The following GPR15 variants were observed in gnomAD, a reference collection of about 807,000 sequenced individuals.
The protein encoded by GPR15 is G protein-coupled receptor 15.
A neutral mutation model predicts 19.3 loss-of-function variants in GPR15; 16 were observed. That is an observed-to-expected ratio of 0.83 (90% CI 0.56 to 1.26). The LOEUF (loss-of-function observed/expected upper bound fraction) is 1.26, where lower values mean the gene tolerates loss of function less well. Ranked by LOEUF, GPR15 falls within the 50% of genes most tolerant of loss-of-function variation. The probability of loss-of-function intolerance (pLI) is 0.00; values close to 1 mark genes in which losing one functional copy is unlikely to be tolerated. For missense variants in GPR15, 458 were observed against 429.4 expected (o/e 1.07, Z -0.59); for synonymous variants, 170 against 171.2 (o/e 0.99, Z 0.05).
At position 98,532,826 on chromosome 3, in the gene GPR15, A is replaced by G. The variant is rs1706659094; in HGVS notation, c.793A>G (p.Ile265Val). The G allele has an allele frequency of 6.2e-7, 1 of 1,613,776 alleles. No homozygotes were observed. The highest frequency in any genetic ancestry group is 8.5e-7 in the Non-Finnish European group (1 of 1,179,878). Reference sequence around the variant, plus strand: ...CTTCAATACTTTCAAGTTCCTGGCCATTGTCTCTGGGTTGCGGCAAGAACA... The same window carrying G: ...CTTCAATACTTTCAAGTTCCTGGCCGTTGTCTCTGGGTTGCGGCAAGAACA... ...LPFNTFKFLA[I>V]VSGLRQEHYL... is the part of the protein sequence containing the mutation. Residue 265 changes from isoleucine to valine, a missense_variant, in exon 1 of 1, where the codon ATT becomes GTT. Physicochemically the swap from Ile to Val is conservative, Grantham distance 29 (BLOSUM62 3). Coordinates refer to ENST00000284311, the MANE Select transcript of GPR15 (RefSeq NM_005290.4).
Position 98,534,678 on chromosome 3 carries a change from A to G in GPR15, c.*1562A>G, listed in dbSNP as rs1706684474. Among the ~76,000 whole-genome samples the G allele has an allele frequency of 6.6e-6, 1 of 152,144 alleles. No individual in the cohort carries two copies. Among genetic ancestry groups the G allele is most frequent in the Non-Finnish European group, 1.5e-5 (1 of 67,990 alleles). On this transcript the variant is annotated 3_prime_UTR_variant, in exon 1 of 1. Transcript: ENST00000284311. ...TTAAATAAAAATATAATTTCCTTAC[A>G]TAAGTATTCTTCTGGACTGTATTAA...
At position 98,533,194 on chromosome 3, in the gene GPR15, T is replaced by A. The variant is rs1359723467; in HGVS notation, c.*78T>A. The A allele has an allele frequency of 1.4e-6, 2 of 1,415,480 alleles. No individual in the cohort carries two copies. Among genetic ancestry groups the A allele is most frequent in the African/African-American group, 2.9e-5 (2 of 70,086 alleles). The allele number at this position is 1,415,480 out of a possible 1,614,324, so 87.7% of individuals were successfully genotyped here. ...TCAGCAACAAAGAAGGAAGTGTTAA[T>A]GATAGGATTCACATTGCTTCATAGA... On this transcript the variant is annotated 3_prime_UTR_variant, in exon 1 of 1. Coordinates refer to ENST00000284311, the MANE Select transcript of GPR15 (RefSeq NM_005290.4).
chr3:98,532,501 C>T lies in GPR15; in HGVS notation c.468C>T (p.Ser156=), dbSNP rs1461137449. The T allele has an allele frequency of 6.2e-7, 1 of 1,614,176 alleles. No individual in the cohort carries two copies. The highest frequency in any genetic ancestry group is 2.2e-5 in the East Asian group (1 of 44,890). The change falls in exon 1 of 1, where the codon AGC becomes AGT. Residue 156 remains serine (S), a synonymous_variant. Coordinates refer to ENST00000284311, the MANE Select transcript of GPR15 (RefSeq NM_005290.4). ...ACTGTGCATATGTAGTCTGTGCCAG[C>T]ATCTGGTTTATCTCCTGCCTGCTGG... ...RTDCAYVVCA[S]IWFISCLLGL...
chr3:98,532,221 G>A lies in GPR15; in HGVS notation c.188G>A (p.Gly63Asp), dbSNP rs1706646698. Reference sequence around the variant, plus strand: ...ATGGGAGCGTTGCATTTCAAACCCGGCAGCCGAAGACTGATCGACATCTTT... The same window carrying A: ...ATGGGAGCGTTGCATTTCAAACCCGACAGCCGAAGACTGATCGACATCTTT... ...VLMGALHFKP[G>D]SRRLIDIFII... Residue 63 changes from glycine to aspartate, a missense_variant, in exon 1 of 1, where the codon GGC becomes GAC. Coordinates refer to ENST00000284311, the MANE Select transcript of GPR15 (RefSeq NM_005290.4). 1 of 1,614,128 alleles carries A rather than the reference G, an allele frequency of 6.2e-7. No individual in the cohort carries two copies. The highest frequency in any genetic ancestry group is 8.5e-7 in the Non-Finnish European group (1 of 1,180,026).
chr3:98,532,749 C>CTATA lies in GPR15; in HGVS notation c.717_720dup (p.Lys241TyrfsTer86). ...AAGCACAACAAAAAGCTGAAGAAATCTATAAAGATCATCTTTATTGTCGTG... is the reference window on the plus strand; with the variant it reads ...AAGCACAACAAAAAGCTGAAGAAATCTATATATAAAGATCATCTTTATTGTCGTG... On this transcript the variant is annotated frameshift_variant, in exon 1 of 1. Transcript: ENST00000284311. LOFTEE classifies it high-confidence loss of function. The CTATA allele has an allele frequency of 6.2e-7, 1 of 1,614,018 alleles. No individual in the cohort carries two copies.
rs767901333 is a variant in GPR15, at chr3:98,532,389, G to A, written c.356G>A (p.Cys119Tyr). 50 of 1,614,066 alleles carry A rather than the reference G, an allele frequency of 3.1e-5. No individual in the cohort carries two copies. Among genetic ancestry groups the A allele is most frequent in the Non-Finnish European group, 2.7e-5 (32 of 1,180,042 alleles). ...TACATGATCTCCGTCAATATGCACT[G>A]CAGTGTCCTCCTGCTCACTTGCATG... Reference protein sequence around the residue: ...SSYMISVNMHCSVLLLTCMSV... With the variant: ...SSYMISVNMHYSVLLLTCMSV... The change falls in exon 1 of 1, where the codon TGC becomes TAC. Residue 119 changes from cysteine (C) to tyrosine (Y), a missense_variant. Transcript: ENST00000284311.
rs1165359038 is a variant in GPR15 at position 98,534,354 on chromosome 3, ACT to A, written c.*1241_*1242del. Among the ~76,000 whole-genome samples, 1 of 152,140 alleles carries A rather than the reference ACT, an allele frequency of 6.6e-6. No individual in the cohort carries two copies. Among genetic ancestry groups the A allele is most frequent in the Non-Finnish European group, 1.5e-5 (1 of 68,012 alleles). On this transcript the variant is annotated 3_prime_UTR_variant, in exon 1 of 1. Coordinates refer to ENST00000284311, the MANE Select transcript of GPR15 (RefSeq NM_005290.4). ...ATGTAATTAGTGGCAACCACAAAAG[ACT>A]CTGCAGCAGCAAGCATGCTATTGTA...
At position 98,532,632 on chromosome 3, in the gene GPR15, T is replaced by G; in HGVS notation, c.599T>G (p.Leu200Ter). 6.2e-7 allele frequency: 1 copy of G among 1,614,212 alleles called. No individual in the cohort carries two copies. Among genetic ancestry groups the G allele is most frequent in the Non-Finnish European group, 8.5e-7 (1 of 1,180,034 alleles). ...AAACTCATATGGTCCCTGGTGGCCT[T>G]AATTTTCACCTTTTTTGTCCCTTTG... ...PIKLIWSLVA[L>*]IFTFFVPLLS... Residue 200 changes from leucine to a stop codon, truncating the protein, a stop_gained, in exon 1 of 1, where the codon TTA (leucine) becomes TGA (stop). Coordinates refer to ENST00000284311, the MANE Select transcript of GPR15 (RefSeq NM_005290.4). LOFTEE classifies it high-confidence loss of function.
chr3:98,533,696 A>G lies in GPR15; in HGVS notation c.*580A>G, dbSNP rs1452397192. Among the ~76,000 whole-genome samples the G allele has an allele frequency of 6.6e-5, 10 of 152,174 alleles. No individual in the cohort carries two copies. The highest frequency in any genetic ancestry group is 2.6e-4 in the Admixed American group (4 of 15,282). ...CAACATTGTGCTTCATCCTATGCCT[A>G]TTCACAATGGCTTTGGACTGGCAAA... is the stretch of plus-strand genomic sequence containing the variant. On this transcript the variant is annotated 3_prime_UTR_variant, in exon 1 of 1. Coordinates refer to ENST00000284311, the MANE Select transcript of GPR15 (RefSeq NM_005290.4).
chr3:98,532,390 C>T lies in GPR15; in HGVS notation c.357C>T (p.Cys119=), dbSNP rs1173479335. 1 of 1,614,172 alleles carries T rather than the reference C, an allele frequency of 6.2e-7. No homozygotes were observed. The highest frequency in any genetic ancestry group is 2.2e-5 in the East Asian group (1 of 44,884). The change falls in exon 1 of 1, where the codon TGC becomes TGT. Residue 119 remains cysteine, a synonymous_variant. Coordinates refer to ENST00000284311, the MANE Select transcript of GPR15 (RefSeq NM_005290.4). ...ACATGATCTCCGTCAATATGCACTG[C>T]AGTGTCCTCCTGCTCACTTGCATGA... ...SSYMISVNMH[C]SVLLLTCMSV...
rs574230064 is a variant in GPR15, at chr3:98,533,589, T to C, written c.*473T>C. 5.6e-4 allele frequency among the ~76,000 whole-genome samples: 86 copies of C among 152,318 alleles called. 1 individual carries two copies. The highest frequency in any genetic ancestry group is 3.4e-3 in the Middle Eastern group (1 of 294). ...ACAAAAATATAATATACCTGCACTGTGCAATTAATTGTTTCTGAGTTACTA... is the reference window on the plus strand; with the variant it reads ...ACAAAAATATAATATACCTGCACTGCGCAATTAATTGTTTCTGAGTTACTA... On this transcript the variant is annotated 3_prime_UTR_variant, in exon 1 of 1. Transcript: ENST00000284311.
At position 98,534,242 on chromosome 3, in the gene GPR15, G is replaced by A. The variant is rs921260344; in HGVS notation, c.*1126G>A. 1.3e-5 allele frequency among the ~76,000 whole-genome samples: 2 copies of A among 152,054 alleles called. No homozygotes were observed. The highest frequency in any genetic ancestry group is 4.8e-5 in the African/African-American group (2 of 41,390). On this transcript the variant is annotated 3_prime_UTR_variant, in exon 1 of 1. Transcript: ENST00000284311. ...TTTATATATATTTTTTCCATACCCA[G>A]AAACCTTCTTGAATTCCTTTACCCA...
In GPR15 at chr3:98,532,113, C is replaced by G; in HGVS notation, c.80C>G (p.Ser27Cys). ...SPNSDIRETHSHVPYTSVFLP... is the reference protein window; with the variant it reads ...SPNSDIRETHCHVPYTSVFLP... ...AACTCTGACATCAGGGAGACCCACTCCCATGTTCCTTACACCTCTGTCTTC... is the reference window on the plus strand; with the variant it reads ...AACTCTGACATCAGGGAGACCCACTGCCATGTTCCTTACACCTCTGTCTTC... Residue 27 changes from serine to cysteine, a missense_variant, in exon 1 of 1, where the codon TCC becomes TGC. Coordinates refer to ENST00000284311, the MANE Select transcript of GPR15 (RefSeq NM_005290.4). The G allele has an allele frequency of 6.2e-7, 1 of 1,614,168 alleles. No individual in the cohort carries two copies. The highest frequency in any genetic ancestry group is 8.5e-7 in the Non-Finnish European group (1 of 1,179,998).
Position 98,533,078 on chromosome 3 carries a change from G to T in GPR15, c.1045G>T (p.Asp349Tyr). The change falls in exon 1 of 1, where the codon GAT becomes TAT. Residue 349 changes from aspartate (D) to tyrosine (Y), a missense_variant. Transcript: ENST00000284311. ...TCTCTCCACCTTCATTCATGCAGAA[G>T]ATTTTGCCAGGAGGAGGAAGAGGTC... ...KALSTFIHAE[D>Y]FARRRKRSVS... The T allele has an allele frequency of 1.9e-6, 3 of 1,612,264 alleles. No homozygotes were observed. Among genetic ancestry groups the T allele is most frequent in the Non-Finnish European group, 8.5e-7 (1 of 1,179,758 alleles).
chr3:98,532,788 T>A lies in GPR15; in HGVS notation c.755T>A (p.Val252Asp), dbSNP rs376694383. 4.8e-5 allele frequency: 77 copies of A among 1,613,872 alleles called. No homozygotes were observed. Among genetic ancestry groups the A allele is most frequent in the Non-Finnish European group, 6.4e-5 (75 of 1,179,920 alleles). Reference protein sequence around the residue: ...IIFIVVAAFLVSWLPFNTFKF... With the variant: ...IIFIVVAAFLDSWLPFNTFKF... ...TTTATTGTCGTGGCAGCCTTTCTTG[T>A]CTCCTGGCTGCCCTTCAATACTTTC... The change falls in exon 1 of 1, where the codon GTC becomes GAC. Residue 252 changes from valine (V) to aspartate (D), a missense_variant. Transcript: ENST00000284311.
rs776557555 is a variant in GPR15, at chr3:98,532,662, G to A, written c.629G>A (p.Ser210Asn). 2.5e-6 allele frequency: 4 copies of A among 1,614,148 alleles called. No homozygotes were observed. Among genetic ancestry groups the A allele is most frequent in the Non-Finnish European group, 3.4e-6 (4 of 1,180,026 alleles). ...LIFTFFVPLL[S>N]IVTCYCCIAR... The stretch of plus-strand genomic sequence containing the variant: ...TTCACCTTTTTTGTCCCTTTGTTGA[G>A]CATTGTGACCTGCTACTGTTGCATT... Residue 210 changes from serine (S) to asparagine (N), a missense_variant, in exon 1 of 1, where the codon AGC becomes AAC. Physicochemically the swap from Ser to Asn is conservative, Grantham distance 46 (BLOSUM62 1). Coordinates refer to ENST00000284311, the MANE Select transcript of GPR15 (RefSeq NM_005290.4).
In GPR15 at chr3:98,534,147, T is replaced by C. The variant is rs181575070; in HGVS notation, c.*1031T>C. Among the ~76,000 whole-genome samples the C allele has an allele frequency of 5.9e-5, 9 of 152,318 alleles. No individual in the cohort carries two copies. Among genetic ancestry groups the C allele is most frequent in the African/African-American group, 2.2e-4 (9 of 41,574 alleles). On this transcript the variant is annotated 3_prime_UTR_variant, in exon 1 of 1. Transcript: ENST00000284311. ...CCTATAATTTCAAGATAAGATCCAGTAATATAGGGAGACAGGCTGCTCTGT... is the reference window on the plus strand; with the variant it reads ...CCTATAATTTCAAGATAAGATCCAGCAATATAGGGAGACAGGCTGCTCTGT...
At position 98,534,203 on chromosome 3, in the gene GPR15, G is replaced by T. The variant is rs1706679299; in HGVS notation, c.*1087G>T. Among the ~76,000 whole-genome samples, 1 of 152,064 alleles carries T rather than the reference G, an allele frequency of 6.6e-6. No individual in the cohort carries two copies. Among genetic ancestry groups the T allele is most frequent in the Admixed American group, 6.6e-5 (1 of 15,266 alleles). On this transcript the variant is annotated 3_prime_UTR_variant, in exon 1 of 1. Coordinates refer to ENST00000284311, the MANE Select transcript of GPR15 (RefSeq NM_005290.4). Reference sequence around the variant, plus strand: ...GCCAAAGTAGAAAATCTCTAACAAAGATCTCACTAGTATTTTATATATATT... The same window carrying T: ...GCCAAAGTAGAAAATCTCTAACAAATATCTCACTAGTATTTTATATATATT...
Position 98,533,170 on chromosome 3 carries a change from C to G in GPR15, c.*54C>G. ...GGTGGGTTTAGGAGTTAATTTTTGT[C>G]AGCAACAAAGAAGGAAGTGTTAATG... On this transcript the variant is annotated 3_prime_UTR_variant, in exon 1 of 1. Coordinates refer to ENST00000284311, the MANE Select transcript of GPR15 (RefSeq NM_005290.4). The G allele has an allele frequency of 1.3e-6, 2 of 1,509,912 alleles. No individual in the cohort carries two copies. Among genetic ancestry groups the G allele is most frequent in the Non-Finnish European group, 1.8e-6 (2 of 1,134,774 alleles). The allele number at this position is 1,509,912 out of a possible 1,614,324, so 93.5% of individuals were successfully genotyped here. A position where few individuals can be genotyped will look rare whatever the true frequency, so the allele number is the denominator to read the frequency against.
Sources: gnomAD v4.1 joint callset for allele counts (sites outside exome capture counted in the v4.1 genomes callset) on GRCh38, gnomAD v4.1.1 for gene constraint, MANE v1.5 for transcripts, NCBI Gene and HGNC (gene_info 2026-07-23, HGNC 2026-07-21) for gene names.